The following E2F3 variants were observed in gnomAD, a reference collection of about 807,000 sequenced individuals.
The protein encoded by E2F3 is E2F transcription factor 3.
A neutral mutation model predicts 44.4 loss-of-function variants in E2F3; 11 were observed. The ratio of observed to expected loss-of-function variants is 0.25; its 90% CI spans 0.16 to 0.41. The LOEUF is 0.41. Among genes scored for constraint, E2F3 ranks in the 10% least tolerant of loss-of-function variants. The pLI, the probability that E2F3 is intolerant of heterozygous loss-of-function variation, is 1.00. For missense variants in E2F3, 487 were observed against 583.6 expected (o/e 0.83, Z 1.70); for synonymous variants, 249 against 253.0 (o/e 0.98, Z 0.15).
chr6:20,471,805 A>G lies in E2F3; in HGVS notation c.394-8041A>G, dbSNP rs550402415. On this transcript the variant is annotated intron_variant, in intron 1 of 6. Transcript: ENST00000346618. ...AAATGTAAACATGAAGTCATTACTC[A>G]TTTAATTTGACTTCCCAGAGATAAC... 6.7e-4 allele frequency among the ~76,000 whole-genome samples: 102 copies of G among 152,294 alleles called. 1 individual carries two copies. Among genetic ancestry groups the G allele is most frequent in the Non-Finnish European group, 6.8e-4 (46 of 68,032 alleles).
rs142321849 is a variant in E2F3, at chr6:20,445,918, G to C, written c.394-33928G>C. On this transcript the variant is annotated intron_variant, in intron 1 of 6. Transcript: ENST00000346618. Reference sequence around the variant, plus strand: ...ATGGAGCCTGTCCCAGCAGCTCAGGGTGCAAGGCAGGGCACCAGCCCTGGA... The same window carrying C: ...ATGGAGCCTGTCCCAGCAGCTCAGGCTGCAAGGCAGGGCACCAGCCCTGGA... Among the ~76,000 whole-genome samples the C allele has an allele frequency of 7.9e-4, 121 of 152,322 alleles. 1 individual carries two copies. The East Asian group carries it at 0.023, about 29-fold the overall frequency.
chr6:20,426,815 T>A (rs1359313738), intron 1 of E2F3, among the ~76,000 whole-genome samples: 1 of 152,208 alleles, frequency 6.6e-6, no homozygotes, highest in East Asian at 1.9e-4. Context: ...TCCCCCCCAA[T>A]ACAACTGCCC....
Position 20,410,264 on chromosome 6 carries a change from C to T in E2F3, c.393+7639C>T, listed in dbSNP as rs911546326. On this transcript the variant is annotated intron_variant, in intron 1 of 6. Transcript: ENST00000346618. ...GCAGTCCCTTGGAGAGAAGGAGGCT[C>T]ATGTGTTTATAACCTGCACCCTGTC... Among the ~76,000 whole-genome samples, 13 of 152,154 alleles carry T rather than the reference C, an allele frequency of 8.5e-5. 2 individuals carry two copies. The highest frequency in any genetic ancestry group is 8.5e-4 in the Admixed American group (13 of 15,284).
chr6:20,412,505 T>G (rs752830413), intron 1 of E2F3, among the ~76,000 whole-genome samples: 3 of 152,072 alleles, frequency 2.0e-5, no homozygotes, highest in Non-Finnish European at 4.4e-5. Context: ...AGGCAGCATT[T>G]GGACTAGAGT....
intron 6 of E2F3, among the ~76,000 whole-genome samples, chr6:20,488,580 A>G (rs1384967392): frequency 6.6e-6 from 1 of 152,188 alleles, no homozygotes; most frequent in Non-Finnish European, 1.5e-5. Flanking sequence ...TTTGAATCAC[A>G]CTGCAGAGCT....
chr6:20,402,308 G>A lies in E2F3; in HGVS notation c.76G>A (p.Ala26Thr), dbSNP rs185222077. 6.2e-7 allele frequency: 1 copy of A among 1,606,944 alleles called. No individual in the cohort carries two copies. Among genetic ancestry groups the A allele is most frequent in the South Asian group, 1.1e-5 (1 of 90,688 alleles). ...GGGTGGGGAGGGGGCGGCTGTCGTC[G>A]CCGCCGCCGCTGCAGCCTCCATGGA... ...AGGGEGAAVVAAAAAASMDKR... is the reference protein window; with the variant it reads ...AGGGEGAAVVTAAAAASMDKR... Residue 26 changes from alanine (A) to threonine (T), a missense_variant, in exon 1 of 7, where the codon GCC (alanine) becomes ACC (threonine). Coordinates refer to ENST00000346618, the MANE Select transcript of E2F3 (RefSeq NM_001949.5). This position sits in a 1 kb window ranked among gnomAD's most constrained non-coding sequence, Gnocchi z 5.6.
In E2F3 at chr6:20,402,610, C is replaced by G. The variant is rs761717617; in HGVS notation, c.378C>G (p.Gly126=). Reference sequence around the variant, plus strand: ...CGCTGGGACGCGGCGGCAGCGGCGGCGGCGGCGGCCCTCCGGTAATACCCT... The same window carrying G: ...CGCTGGGACGCGGCGGCAGCGGCGGGGGCGGCGGCCCTCCGGTAATACCCT... ...PPALGRGGSG[G]GGGPPAKRRL... Residue 126 remains glycine, a synonymous_variant, in exon 1 of 7, where the codon GGC becomes GGG. Coordinates refer to ENST00000346618, the MANE Select transcript of E2F3 (RefSeq NM_001949.5). The surrounding 1 kb of genome is among the most constrained non-coding windows in gnomAD (Gnocchi z 5.6). The G allele has an allele frequency of 1.7e-4, 226 of 1,337,092 alleles. 1 individual carries two copies. In the South Asian group the frequency reaches 4.3e-3, roughly 25 times the overall value. The allele number at this position is 1,337,092 out of a possible 1,614,324, so 82.8% of individuals were successfully genotyped here.
chr6:20,466,551 T>C (rs911243811), intron 1 of E2F3, among the ~76,000 whole-genome samples: 1 of 152,162 alleles, frequency 6.6e-6, no homozygotes, highest in Non-Finnish European at 1.5e-5. Flanking sequence ...TGGTGGGATT[T>C]TTTGGGTTTT....
In E2F3 at chr6:20,402,329, A is replaced by T; in HGVS notation, c.97A>T (p.Met33Leu). The T allele has an allele frequency of 6.2e-7, 1 of 1,609,992 alleles. No homozygotes were observed. The highest frequency in any genetic ancestry group is 8.5e-7 in the Non-Finnish European group (1 of 1,178,956). Residue 33 changes from methionine to leucine, a missense_variant, in exon 1 of 7, where the codon ATG (methionine) becomes TTG (leucine). Physicochemically the swap from Met to Leu is conservative, Grantham distance 15 (BLOSUM62 2). Around this residue, in one of 3 missense-constraint regions of E2F3, gnomAD observed 238 missense variants for 236.0 expected, o/e 1.01. Transcript: ENST00000346618. The surrounding 1 kb of genome is among the most constrained non-coding windows in gnomAD (Gnocchi z 5.6). Reference protein sequence around the residue: ...AVVAAAAAASMDKRALLASPG... With the variant: ...AVVAAAAAASLDKRALLASPG... Reference sequence around the variant, plus strand: ...CGTCGCCGCCGCCGCTGCAGCCTCCATGGACAAAAGGGCACTGCTAGCCAG... The same window carrying T: ...CGTCGCCGCCGCCGCTGCAGCCTCCTTGGACAAAAGGGCACTGCTAGCCAG...
chr6:20,493,013 G>A lies in E2F3; in HGVS notation c.*2583G>A. 1 of 215,380 alleles carries A rather than the reference G, an allele frequency of 4.6e-6. No homozygotes were observed. The highest frequency in any genetic ancestry group is 9.4e-6 in the Non-Finnish European group (1 of 106,652). The allele number at this position is 215,380 out of a possible 1,614,324, so 13.3% of individuals were successfully genotyped here. On this transcript the variant is annotated 3_prime_UTR_variant, in exon 7 of 7. Coordinates refer to ENST00000346618, the MANE Select transcript of E2F3 (RefSeq NM_001949.5). ...CCTTAGAAAATAAAATGTATAAAGG[G>A]CAACACATGAGCTGTCAAACAGTGT...
At position 20,402,256 on chromosome 6, in the gene E2F3, T is replaced by G; in HGVS notation, c.24T>G (p.Ala8=). Residue 8 remains alanine (A), a synonymous_variant, in exon 1 of 7, where the codon GCT becomes GCG. Coordinates refer to ENST00000346618, the MANE Select transcript of E2F3 (RefSeq NM_001949.5). The surrounding 1 kb of genome is among the most constrained non-coding windows in gnomAD (Gnocchi z 5.6). MRKGIQP[A]LEQYLVTAGG... ...AGATGAGAAAGGGAATCCAGCCCGC[T>G]CTGGAGCAGTACCTGGTGACCGCCG... is the stretch of plus-strand genomic sequence containing the variant. 6.2e-7 allele frequency: 1 copy of G among 1,602,568 alleles called. No individual in the cohort carries two copies. The highest frequency in any genetic ancestry group is 8.5e-7 in the Non-Finnish European group (1 of 1,177,154).
intron 1 of E2F3, among the ~76,000 whole-genome samples, chr6:20,467,230 G>A (rs1469035147): frequency 6.6e-6 from 1 of 152,090 alleles, no homozygotes; most frequent in African/African-American, 2.4e-5. Context: ...GCCCCTAATC[G>A]CATCATTTAC....
At chr6:20,488,929 G>T (rs1436687484) in intron 6 of E2F3, among the ~76,000 whole-genome samples, 1 of 152,112 alleles carries the variant, frequency 6.6e-6, no homozygotes, top group African/African-American at 2.4e-5. Flanking sequence ...GGGAGTCGGA[G>T]GTTGCAGTGA....
rs188023684 is a variant in E2F3 at position 20,427,321 on chromosome 6, A to G, written c.393+24696A>G. On this transcript the variant is annotated intron_variant, in intron 1 of 6. Transcript: ENST00000346618. ...CATTTATGCTCCATTGACTGAGTTA[A>G]CCAAACACTTTGTATTTGGCCCTTT... Among the ~76,000 whole-genome samples, 998 of 152,292 alleles carry G rather than the reference A, an allele frequency of 6.6e-3. 15 individuals carry two copies. Among genetic ancestry groups the G allele is most frequent in the Non-Finnish European group, 5.5e-3 (375 of 68,022 alleles).
At chr6:20,475,556 A>T (rs1762017363) in intron 1 of E2F3, among the ~76,000 whole-genome samples, 1 of 152,144 alleles carries the variant, frequency 6.6e-6, no homozygotes, top group Non-Finnish European at 1.5e-5. Context: ...TTTCTCTGTC[A>T]TCCAGGCTGG....
intron 1 of E2F3, among the ~76,000 whole-genome samples, chr6:20,433,460 A>G (rs1225096455): frequency 3.9e-5 from 6 of 152,176 alleles, no homozygotes; most frequent in Non-Finnish European, 5.9e-5. Flanking sequence ...TTCTTCTAGT[A>G]TGAACGTAGG....
At chr6:20,482,345 T>G (rs565957927) in intron 3 of E2F3, among the ~76,000 whole-genome samples, 24 of 149,574 alleles carry the variant, frequency 1.6e-4, no homozygotes, top group East Asian at 3.9e-4. Context: ...TTTTTTTGTT[T>G]TTTTTTTTTT....
chr6:20,441,374 T>TA (rs1315633168), intron 1 of E2F3, among the ~76,000 whole-genome samples: 1 of 152,240 alleles, frequency 6.6e-6, no homozygotes, highest in Non-Finnish European at 1.5e-5. Flanking sequence ...CCATGGTATG[T>TA]ATAAGGCCCC....
In E2F3 at chr6:20,402,301, T is replaced by A. The variant is rs1279624077; in HGVS notation, c.69T>A (p.Ala23=). ...CCGCCGGGGGTGGGGAGGGGGCGGC[T>A]GTCGTCGCCGCCGCCGCTGCAGCCT... The part of the protein sequence containing the change: ...LVTAGGGEGA[A]VVAAAAAASM... Residue 23 remains alanine (A), a synonymous_variant, in exon 1 of 7, where the codon GCT becomes GCA. Coordinates refer to ENST00000346618, the MANE Select transcript of E2F3 (RefSeq NM_001949.5). This position sits in a 1 kb window ranked among gnomAD's most constrained non-coding sequence, Gnocchi z 5.6. The A allele has an allele frequency of 6.2e-7, 1 of 1,607,364 alleles. No homozygotes were observed. The highest frequency in any genetic ancestry group is 8.5e-7 in the Non-Finnish European group (1 of 1,178,310).
Sources: gnomAD v4.1 joint callset for allele counts (sites outside exome capture counted in the v4.1 genomes callset) on GRCh38, gnomAD v4.1.1 for gene constraint, gnomAD v4.1.1 regional missense constraint, Gnocchi (gnomAD v3.1) non-coding constraint, MANE v1.5 for transcripts, NCBI Gene and HGNC (gene_info 2026-07-23, HGNC 2026-07-21) for gene names.